PDE4D: variants seen among roughly 807,000 people sequenced by gnomAD.
The protein encoded by PDE4D is phosphodiesterase 4D.
PDE4D carries 24 observed loss-of-function variants against 87.4 expected under a neutral mutation model. That is an observed-to-expected ratio of 0.27 (90% CI 0.20 to 0.39). The LOEUF (loss-of-function observed/expected upper bound fraction) is 0.39. PDE4D is among the 10% of genes least tolerant of loss of function. PDE4D has a pLI of 1.00. For synonymous variants in PDE4D, 384 were observed against 383.2 expected, an observed-to-expected ratio of 1.00 and a Z score of -0.02; for missense variants, 714 against 1,041.0, an observed-to-expected ratio of 0.69 and a Z score of 4.32.
At chr5:59,938,022 A>C (rs1434338202) in intron 3 of PDE4D, among the ~76,000 whole-genome samples, 1 of 152,182 alleles carries the variant, frequency 6.6e-6, no homozygotes, top group Non-Finnish European at 1.5e-5. Flanking sequence ...ATTTCCTCCC[A>C]AATTATCTGT....
chr5:60,130,405 G>A (rs1414833583), intron 2 of PDE4D, among the ~76,000 whole-genome samples: 1 of 152,124 alleles, frequency 6.6e-6, no homozygotes, highest in Non-Finnish European at 1.5e-5. Context: ...TTTTTCATGT[G>A]AGATGCCCAA....
chr5:59,795,646 C>G (rs1766380592), intron 1 of PDE4D, among the ~76,000 whole-genome samples: 1 of 152,132 alleles, frequency 6.6e-6, no homozygotes, highest in Admixed American at 6.5e-5. Context: ...AGAAGGGAAA[C>G]TTGCCTCGGA....
chr5:60,261,438 G>C (rs1749636164), intron 1 of PDE4D, among the ~76,000 whole-genome samples: 1 of 152,022 alleles, frequency 6.6e-6, no homozygotes, highest in African/African-American at 2.4e-5. Flanking sequence ...TTCTGAGAAG[G>C]CTTTAGAGGA....
At chr5:59,588,904 A>G (rs1348647260) in intron 1 of PDE4D, among the ~76,000 whole-genome samples, 1 of 152,334 alleles carries the variant, frequency 6.6e-6, no homozygotes, top group Non-Finnish European at 1.5e-5. Context: ...TTCAGCCTAC[A>G]TTGTTTTTAA....
intron 1 of PDE4D, among the ~76,000 whole-genome samples, chr5:60,484,340 G>A (rs948799521): frequency 6.6e-6 from 1 of 152,064 alleles, no homozygotes; most frequent in African/African-American, 2.4e-5. Flanking sequence ...GCTTAGTGCT[G>A]TATCTAAGTG....
At chr5:59,123,696 T>C (rs1044211980) in intron 5 of PDE4D, among the ~76,000 whole-genome samples, 1 of 152,126 alleles carries the variant, frequency 6.6e-6, no homozygotes, top group Non-Finnish European at 1.5e-5. Flanking sequence ...ACTTAGCAGA[T>C]AGAAAAAAAG....
chr5:59,699,298 C>G (rs1298575013), intron 1 of PDE4D, among the ~76,000 whole-genome samples: 1 of 151,818 alleles, frequency 6.6e-6, no homozygotes, highest in Non-Finnish European at 1.5e-5. Flanking sequence ...CTCAATGTGG[C>G]AATAAATTAT....
intron 5 of PDE4D, among the ~76,000 whole-genome samples, chr5:59,079,666 TTAA>T (rs148255590): frequency 9.6e-5 from 14 of 146,160 alleles, no homozygotes; most frequent in South Asian, 4.4e-4. Context: ...CTCTACAAAA[TTAA>T]TAATAATAAT....
chr5:59,229,958 C>G (rs1754788541), intron 1 of PDE4D, among the ~76,000 whole-genome samples: 1 of 152,068 alleles, frequency 6.6e-6, no homozygotes, highest in South Asian at 2.1e-4. Flanking sequence ...GCCACCATGC[C>G]TGGCTAATTT....
chr5:60,499,875 C>T (rs1461323647), intron 1 of PDE4D, among the ~76,000 whole-genome samples: 1 of 152,110 alleles, frequency 6.6e-6, no homozygotes, highest in East Asian at 1.9e-4. Context: ...TCCTGTTAGC[C>T]CTCTTGGCTT....
intron 1 of PDE4D, among the ~76,000 whole-genome samples, chr5:59,555,694 T>C (rs1818788186): frequency 1.3e-5 from 2 of 152,128 alleles, no homozygotes; most frequent in South Asian, 4.1e-4. Flanking sequence ...CTGTATCTAG[T>C]TAACTTCTTT....
chr5:59,182,290 C>T (rs1479810096), intron 4 of PDE4D, among the ~76,000 whole-genome samples: 1 of 151,382 alleles, frequency 6.6e-6, no homozygotes, highest in Non-Finnish European at 1.5e-5. Context: ...TAGGGTCTCA[C>T]TCTGTTGCTC....
chr5:60,288,067 T>A (rs1264721172), intron 1 of PDE4D, among the ~76,000 whole-genome samples: 1 of 152,160 alleles, frequency 6.6e-6, no homozygotes, highest in Non-Finnish European at 1.5e-5. Context: ...GTAACAAGGG[T>A]CTTCTTAACC....
chr5:59,242,954 T>C (rs1372765323), intron 1 of PDE4D, among the ~76,000 whole-genome samples: 1 of 152,144 alleles, frequency 6.6e-6, no homozygotes, highest in Non-Finnish European at 1.5e-5. Context: ...CAGTGTTATC[T>C]AAAGCAAATG....
intron 1 of PDE4D, among the ~76,000 whole-genome samples, chr5:60,293,407 G>A (rs1753082836): frequency 6.6e-6 from 1 of 151,954 alleles, no homozygotes; most frequent in Non-Finnish European, 1.5e-5. Context: ...CCAGCTACTC[G>A]GGAGGCTGAG....
chr5:60,102,741 G>A (rs985695046), intron 2 of PDE4D, among the ~76,000 whole-genome samples: 6 of 152,008 alleles, frequency 3.9e-5, no homozygotes, highest in African/African-American at 1.4e-4. Flanking sequence ...CTAAGAAAAG[G>A]GATGTTTGCA....
At chr5:60,207,151 G>A (rs1170132046) in intron 1 of PDE4D, among the ~76,000 whole-genome samples, 4 of 152,164 alleles carry the variant, frequency 2.6e-5, no homozygotes, top group African/African-American at 9.7e-5. Flanking sequence ...CCCTGAAGCA[G>A]GGCAGACTAG....
At chr5:60,421,217 G>C (rs1743067227) in intron 1 of PDE4D, among the ~76,000 whole-genome samples, 1 of 152,348 alleles carries the variant, frequency 6.6e-6, no homozygotes, top group Middle Eastern at 3.4e-3. Flanking sequence ...TTTGAGAACG[G>C]ACAGACTGCC....
chr5:59,831,832 C>T (rs13157748), intron 1 of PDE4D, among the ~76,000 whole-genome samples: 4,651 of 152,058 alleles, frequency 0.031, 106 homozygotes, highest in Middle Eastern at 0.044. Flanking sequence ...GTAGAGTTGA[C>T]GCAGTACAGC....
Sources: allele counts gnomAD v4.1 joint callset (sites outside exome capture counted in the v4.1 genomes callset), GRCh38; gene constraint gnomAD v4.1.1; transcripts MANE v1.5; gene names NCBI Gene and HGNC (gene_info 2026-07-23, HGNC 2026-07-21).